NYAP2: variants seen among roughly 807,000 people sequenced by gnomAD.
NYAP2 encodes neuronal tyrosine-phosphorylated phosphoinositide-3-kinase adaptor 2.
Under a neutral mutation model 50.4 loss-of-function variants are expected in NYAP2, and 23 were observed. The observed-to-expected ratio is 0.46, with a 90% CI of 0.33 to 0.65. NYAP2 has a LOEUF of 0.65. Among genes scored for constraint, NYAP2 ranks in the 30% least tolerant of loss-of-function variants. The pLI is 0.02. For synonymous variants in NYAP2, 394 were observed against 365.2 expected (o/e 1.08, Z -0.90); for missense variants, 885 against 861.0 (o/e 1.03, Z -0.35).
chr2:225,471,549 A>G (rs1452449115), intron 3 of NYAP2, among the ~76,000 whole-genome samples: 3 of 152,254 alleles, frequency 2.0e-5, no homozygotes, highest in African/African-American at 7.2e-5. Flanking sequence ...GACATATAGT[A>G]ACATATTAAC....
intron 4 of NYAP2, among the ~76,000 whole-genome samples, chr2:225,573,938 TAGAC>T (rs1162427834): frequency 6.6e-6 from 1 of 152,202 alleles, no homozygotes; most frequent in Non-Finnish European, 1.5e-5. Flanking sequence ...TATCTATTGA[TAGAC>T]AGAATGTGTA....
intron 4 of NYAP2, among the ~76,000 whole-genome samples, chr2:225,534,016 A>G (rs1054013546): frequency 2.0e-5 from 3 of 152,188 alleles, no homozygotes; most frequent in Admixed American, 2.0e-4. Flanking sequence ...ATATGAGTAA[A>G]CTGGCTTGAC....
intron 5 of NYAP2, among the ~76,000 whole-genome samples, chr2:225,622,549 CT>C (rs1446490989): frequency 0.014 from 824 of 58,040 alleles, 5 homozygotes; most frequent in Non-Finnish European, 0.022. Flanking sequence ...TTCTTTCTTT[CT>C]TTCTTTCTTT....
chr2:225,632,829 C>A (rs540333988), intron 6 of NYAP2, among the ~76,000 whole-genome samples: 1 of 152,202 alleles, frequency 6.6e-6, no homozygotes, highest in African/African-American at 2.4e-5. Context: ...ACCTACCCCC[C>A]ACAGACTGTA....
chr2:225,482,845 A>G lies in NYAP2; in HGVS notation c.222-30526A>G, dbSNP rs142884791. Among the ~76,000 whole-genome samples, 934 of 152,284 alleles carry G rather than the reference A, an allele frequency of 6.1e-3. 8 individuals carry two copies. The highest frequency in any genetic ancestry group is 0.021 in the African/African-American group (875 of 41,568). ...AACTGTGCAATCTTACTGCTAATGC[A>G]AAGAACAACAGAGTGGGAGAAATGG... On this transcript the variant is annotated intron_variant, in intron 3 of 6. Transcript: ENST00000636099.
intron 5 of NYAP2, among the ~76,000 whole-genome samples, chr2:225,604,395 A>G (rs1018578754): frequency 1.3e-5 from 2 of 152,096 alleles, no homozygotes; most frequent in Non-Finnish European, 2.9e-5. Flanking sequence ...GGGGCTCAAT[A>G]ACTATTTGCT....
In NYAP2 at chr2:225,582,663, C is replaced by T. The variant is rs746087538; in HGVS notation, c.1246C>T (p.Pro416Ser). The change falls in exon 5 of 7, where the codon CCC becomes TCC. Residue 416 changes from proline (P) to serine (S), a missense_variant. Transcript: ENST00000636099. This position sits in a 1 kb window ranked among gnomAD's most constrained non-coding sequence, Gnocchi z 7.0. ...CCCTGCGCTCTCCTCGTCGCCCCCA[C>T]CCCCGTCTACGCTGTACCGAACCCA... 2 of 1,596,596 alleles carry T rather than the reference C, an allele frequency of 1.3e-6. No homozygotes were observed. The highest frequency in any genetic ancestry group is 1.7e-6 in the Non-Finnish European group (2 of 1,171,074).
intron 6 of NYAP2, among the ~76,000 whole-genome samples, chr2:225,638,938 G>T (rs1693476246): frequency 6.6e-6 from 1 of 152,338 alleles, no homozygotes; most frequent in Non-Finnish European, 1.5e-5. Flanking sequence ...TGGGCCAAGG[G>T]AGAAGTGTTT....
intron 5 of NYAP2, among the ~76,000 whole-genome samples, chr2:225,620,766 G>A (rs1693085095): frequency 6.6e-6 from 1 of 152,266 alleles, no homozygotes; most frequent in South Asian, 2.1e-4. Context: ...CCTTTCCAAA[G>A]CTGTAGGCTT....
chr2:225,505,909 AC>A, intron 3 of NYAP2, among the ~76,000 whole-genome samples: 1 of 152,256 alleles, frequency 6.6e-6, no homozygotes, highest in Admixed American at 6.5e-5. Flanking sequence ...GCAGGTCCGG[AC>A]TTCTGGCCAG....
intron 5 of NYAP2, among the ~76,000 whole-genome samples, chr2:225,616,423 G>A (rs902810106): frequency 1.3e-5 from 2 of 152,176 alleles, no homozygotes; most frequent in African/African-American, 2.4e-5. Context: ...GCAGTGCAAC[G>A]AGAAGCCCCC....
chr2:225,603,659 A>C (rs949333281), intron 5 of NYAP2, among the ~76,000 whole-genome samples: 19 of 151,994 alleles, frequency 1.3e-4, no homozygotes, highest in African/African-American at 4.6e-4. Context: ...CCCATGTCTC[A>C]ATGATTTTTT....
At chr2:225,462,631 A>G (rs767472802) in intron 3 of NYAP2, among the ~76,000 whole-genome samples, 9 of 152,174 alleles carry the variant, frequency 5.9e-5, no homozygotes, top group Non-Finnish European at 8.8e-5. Flanking sequence ...AGGAAATGCA[A>G]TTCCCCATAA....
At chr2:225,545,278 C>G (rs746240034) in intron 4 of NYAP2, among the ~76,000 whole-genome samples, 3 of 151,792 alleles carry the variant, frequency 2.0e-5, no homozygotes, top group African/African-American at 4.8e-5. Flanking sequence ...AACTTTTTAC[C>G]CTTATCTCTT....
chr2:225,667,660 G>A, the NYAP2 span, among the ~76,000 whole-genome samples: 1 of 152,156 alleles, frequency 6.6e-6, no homozygotes, highest in African/African-American at 2.4e-5. Context: ...ATGACAGGGG[G>A]ATTGTAGAAG....
intron 2 of NYAP2, among the ~76,000 whole-genome samples, chr2:225,402,824 T>A (rs1574595790): frequency 6.6e-6 from 1 of 151,910 alleles, no homozygotes; most frequent in Admixed American, 6.6e-5. Flanking sequence ...TCAAGCATAA[T>A]CAAAGTGAAA....
intron 3 of NYAP2, among the ~76,000 whole-genome samples, chr2:225,424,785 TA>T (rs1278187378): frequency 6.6e-6 from 1 of 152,092 alleles, no homozygotes; most frequent in East Asian, 1.9e-4. Context: ...TAAACTAAAG[TA>T]AAAAGGGAGA....
chr2:225,458,386 A>C (rs1689772655), intron 3 of NYAP2, among the ~76,000 whole-genome samples: 1 of 152,224 alleles, frequency 6.6e-6, no homozygotes, highest in African/African-American at 2.4e-5. Context: ...TTCAAAATGC[A>C]AGTCAGAATC....
chr2:225,642,769 A>G (rs941012243), intron 6 of NYAP2, among the ~76,000 whole-genome samples: 4 of 152,228 alleles, frequency 2.6e-5, no homozygotes, highest in Non-Finnish European at 4.4e-5. Context: ...TGTTCTCTGA[A>G]GAAAAATCAA....
Sources: gnomAD v4.1 joint callset for allele counts (sites outside exome capture counted in the v4.1 genomes callset) on GRCh38, gnomAD v4.1.1 for gene constraint, Gnocchi (gnomAD v3.1) non-coding constraint, MANE v1.5 for transcripts, NCBI Gene and HGNC (gene_info 2026-07-23, HGNC 2026-07-21) for gene names.